The following PCDHA12 variants were observed in gnomAD, a reference collection of about 807,000 sequenced individuals.
PCDHA12 encodes protocadherin alpha 12.
PCDHA12 carries 44 observed loss-of-function variants against 60.0 expected under a neutral mutation model. That is an observed-to-expected ratio of 0.73 (90% CI 0.58 to 0.94). The LOEUF (loss-of-function observed/expected upper bound fraction) is 0.94, where lower values mean the gene tolerates loss of function less well. Ranked by LOEUF, PCDHA12 falls within the 40% of genes least tolerant of loss-of-function variation. The pLI is 0.00. For missense variants in PCDHA12, 1,276 were observed against 1,239.7 expected (o/e 1.03, Z -0.44); for synonymous variants, 569 against 553.0 (o/e 1.03, Z -0.40).
chr5:140,884,445 C>G, intron 1 of PCDHA12: 1 of 1,613,802 alleles, frequency 6.2e-7, no homozygotes, highest in Non-Finnish European at 8.5e-7. Flanking sequence ...TGCTCGGCAC[C>G]GCCCACCGAG....
At chr5:141,005,332 A>G (rs1479899678) in intron 3 of PCDHA12, among the ~76,000 whole-genome samples, 2 of 152,188 alleles carry the variant, frequency 1.3e-5, no homozygotes, top group Non-Finnish European at 2.9e-5. Context: ...ATAATAGGCC[A>G]AGGGGGTGCT....
intron 2 of PCDHA12, among the ~76,000 whole-genome samples, chr5:140,979,467 ATTG>A (rs1219222898): frequency 6.6e-6 from 1 of 151,680 alleles, no homozygotes; most frequent in Non-Finnish European, 1.5e-5. Context: ...ATTGATTGCT[ATTG>A]TTGTTTGTGT....
Position 140,877,012 on chromosome 5 carries a change from A to G in PCDHA12, c.1540A>G (p.Ser514Gly). 1 of 1,612,352 alleles carries G rather than the reference A, an allele frequency of 6.2e-7. No homozygotes were observed. Among genetic ancestry groups the G allele is most frequent in the Non-Finnish European group, 8.5e-7 (1 of 1,179,788 alleles). ...LSSYVSVHAE[S>G]GKVYALQPLD... ...GAGCTACGTGTCGGTGCACGCGGAG[A>G]GCGGCAAGGTGTACGCGCTGCAGCC... Residue 514 changes from serine to glycine, a missense_variant, in exon 1 of 4, where the codon AGC becomes GGC. Physicochemically the swap from Ser to Gly is moderately conservative, Grantham distance 56 (BLOSUM62 0). Coordinates refer to ENST00000398631, the MANE Select transcript of PCDHA12 (RefSeq NM_018903.4).
At chr5:140,926,564 A>T in intron 1 of PCDHA12, 1 of 243,746 alleles carries the variant, frequency 4.1e-6, no homozygotes, top group Non-Finnish European at 7.8e-6. Flanking sequence ...GCCCGCTGCT[A>T]CTGGAGACAG....
intron 1 of PCDHA12, among the ~76,000 whole-genome samples, chr5:140,933,444 A>T (rs1478759836): frequency 1.3e-5 from 2 of 152,184 alleles, no homozygotes; most frequent in African/African-American, 4.8e-5. Flanking sequence ...CTAATGACAT[A>T]CCTTCAAAAT....
intron 1 of PCDHA12, chr5:140,883,557 G>A (rs868923862): frequency 6.2e-7 from 1 of 1,614,214 alleles, no homozygotes; most frequent in Non-Finnish European, 8.5e-7. Flanking sequence ...GCGCGGGACG[G>A]GGGCTCGCCT....
At chr5:140,887,704 C>A (rs1554183178) in intron 1 of PCDHA12, among the ~76,000 whole-genome samples, 1 of 152,104 alleles carries the variant, frequency 6.6e-6, no homozygotes, top group East Asian at 1.9e-4. Context: ...ATCAACCATA[C>A]TTCTTCTAAT....
At chr5:140,993,310 A>G (rs1013688133) in intron 3 of PCDHA12, among the ~76,000 whole-genome samples, 2 of 152,038 alleles carry the variant, frequency 1.3e-5, no homozygotes, top group African/African-American at 4.8e-5. Context: ...CTCCAGGATA[A>G]TACCTTCTAA....
intron 1 of PCDHA12, among the ~76,000 whole-genome samples, chr5:140,944,370 A>G (rs1554216325): frequency 6.6e-6 from 1 of 151,966 alleles, no homozygotes; most frequent in Admixed American, 6.6e-5. Flanking sequence ...AATTTTTTAT[A>G]GAGATGGAGT....
At position 140,877,218 on chromosome 5, in the gene PCDHA12, G is replaced by A; in HGVS notation, c.1746G>A (p.Pro582=). The A allele has an allele frequency of 6.2e-7, 1 of 1,613,726 alleles. No individual in the cohort carries two copies. Among genetic ancestry groups the A allele is most frequent in the Non-Finnish European group, 8.5e-7 (1 of 1,179,770 alleles). Residue 582 remains proline, a synonymous_variant, in exon 1 of 4, where the codon CCG becomes CCA. Coordinates refer to ENST00000398631, the MANE Select transcript of PCDHA12 (RefSeq NM_018903.4). The part of the protein sequence containing the change: ...SAGGAVSELV[P]RSVGAGHVVA... The stretch of plus-strand genomic sequence containing the variant: ...GAGGCGCAGTTAGCGAGTTGGTACC[G>A]CGGTCGGTGGGTGCGGGCCACGTGG...
rs1383347742 is a variant in PCDHA12, at chr5:140,943,271, AAAAAAAG to A, written c.2368-35674_2368-35668del. ...AGACTCTGTCTCAAAAAAAAAAAAA[AAAAAAAG>A]AAAGAAAGAATTAAATTTTGGGAAG... On this transcript the variant is annotated intron_variant, in intron 1 of 3. Transcript: ENST00000398631. Among the ~76,000 whole-genome samples, 73 of 150,734 alleles carry A rather than the reference AAAAAAAG, an allele frequency of 4.8e-4. 1 individual carries two copies. The highest frequency in any genetic ancestry group is 1.6e-3 in the African/African-American group (65 of 40,848).
chr5:140,986,793 G>A lies in PCDHA12; in HGVS notation c.2515+4230G>A, dbSNP rs945707149. 6.6e-5 allele frequency among the ~76,000 whole-genome samples: 10 copies of A among 152,312 alleles called. No homozygotes were observed. In the East Asian group the frequency reaches 1.7e-3, roughly 26 times the overall value. ...TTAGGTAGCGGAAGCCACTAAGGCA[G>A]TGAGTCTTAGTTAGAGAACTTTGGT... On this transcript the variant is annotated intron_variant, in intron 3 of 3. Coordinates refer to ENST00000398631, the MANE Select transcript of PCDHA12 (RefSeq NM_018903.4).
intron 1 of PCDHA12, chr5:140,968,948 A>G (rs1554231262): frequency 2.5e-6 from 4 of 1,614,064 alleles, no homozygotes; most frequent in East Asian, 4.5e-5. Flanking sequence ...CATTTTGAGC[A>G]TCATCAAGTG....
chr5:140,887,497 A>G (rs981649331), intron 1 of PCDHA12, among the ~76,000 whole-genome samples: 1 of 152,150 alleles, frequency 6.6e-6, no homozygotes, highest in Admixed American at 6.5e-5. Context: ...ATAGTTTCTA[A>G]TAAGATGTTT....
rs1554262808 is a variant in PCDHA12, at chr5:141,010,232, A to T, written c.*295A>T. On this transcript the variant is annotated 3_prime_UTR_variant, in exon 4 of 4. Coordinates refer to ENST00000398631, the MANE Select transcript of PCDHA12 (RefSeq NM_018903.4). ...AAAGGAGAGGCTTCCCAGCCCCGCC[A>T]GTGAGAGGTTGGACTCTCTGCCCTG... 6.4e-7 allele frequency: 1 copy of T among 1,551,952 alleles called. No homozygotes were observed. The highest frequency in any genetic ancestry group is 2.0e-5 in the Admixed American group (1 of 51,018).
chr5:140,911,729 C>G (rs571299791), intron 1 of PCDHA12, among the ~76,000 whole-genome samples: 1 of 152,134 alleles, frequency 6.6e-6, no homozygotes, highest in Non-Finnish European at 1.5e-5. Flanking sequence ...GTAAACAGTT[C>G]GTGCCAAGGA....
intron 1 of PCDHA12, among the ~76,000 whole-genome samples, chr5:140,934,486 A>G (rs1243287097): frequency 6.6e-6 from 1 of 152,124 alleles, no homozygotes; most frequent in East Asian, 1.9e-4. Context: ...AATTATATTC[A>G]CCTCATAAAC....
chr5:140,932,975 A>G (rs2088770619), intron 1 of PCDHA12, among the ~76,000 whole-genome samples: 1 of 152,012 alleles, frequency 6.6e-6, no homozygotes, highest in African/African-American at 2.4e-5. Flanking sequence ...GGTTTTTACA[A>G]TGCTCAAATG....
chr5:140,885,053 A>T (rs2060447405), intron 1 of PCDHA12, among the ~76,000 whole-genome samples: 1 of 152,248 alleles, frequency 6.6e-6, no homozygotes, highest in African/African-American at 2.4e-5. Flanking sequence ...ATGTATACAT[A>T]TACCCACAAG....
Sources: gnomAD v4.1 joint callset for allele counts (sites outside exome capture counted in the v4.1 genomes callset) on GRCh38, gnomAD v4.1.1 for gene constraint, MANE v1.5 for transcripts, NCBI Gene and HGNC (gene_info 2026-07-23, HGNC 2026-07-21) for gene names.